CD274: variants seen among roughly 807,000 people sequenced by gnomAD.
The protein encoded by CD274 is CD274 molecule.
A neutral mutation model predicts 30.1 loss-of-function variants in CD274; 8 were observed. That is an observed-to-expected ratio of 0.27 (90% CI 0.16 to 0.48). CD274 has a LOEUF of 0.48. Ranked by LOEUF, CD274 falls within the 20% of genes least tolerant of loss-of-function variation. CD274 has a pLI of 0.99. For missense variants in CD274, 353 were observed against 346.6 expected, an observed-to-expected ratio of 1.02 and a Z score of -0.15; for synonymous variants, 152 against 124.6, an observed-to-expected ratio of 1.22 and a Z score of -1.46.
intron 1 of CD274, among the ~76,000 whole-genome samples, chr9:5,451,602 A>AAC: frequency 6.6e-6 from 1 of 152,336 alleles, no homozygotes; most frequent in East Asian, 1.9e-4. Flanking sequence ...TCTGAAGAAA[A>AAC]ACTTAGCCTT....
chr9:5,457,362 C>T lies in CD274; in HGVS notation c.336C>T (p.Tyr112=), dbSNP rs1196471475. Residue 112 remains tyrosine (Y), a synonymous_variant, in exon 3 of 7, where the codon TAC becomes TAT. Coordinates refer to ENST00000381577, the MANE Select transcript of CD274 (RefSeq NM_014143.4). ...TGAAATTGCAGGATGCAGGGGTGTA[C>T]CGCTGCATGATCAGCTATGGTGGTG... ...TDVKLQDAGV[Y]RCMISYGGAD... The T allele has an allele frequency of 1.2e-6, 2 of 1,614,086 alleles. No homozygotes were observed. The highest frequency in any genetic ancestry group is 1.7e-6 in the Non-Finnish European group (2 of 1,179,998).
At chr9:5,451,688 T>C (rs1819206424) in intron 1 of CD274, among the ~76,000 whole-genome samples, 2 of 152,176 alleles carry the variant, frequency 1.3e-5, no homozygotes, top group Admixed American at 6.5e-5. Flanking sequence ...ACAGAAATAC[T>C]GTGGGGAATT....
At chr9:5,457,465 T>A (rs756516772) in intron 3 of CD274, 45 bp downstream of exon 3, 1 of 1,493,018 alleles carries the variant, frequency 6.7e-7, no homozygotes, top group Middle Eastern at 1.7e-4. Context: ...ATTGAAAACA[T>A]ATTCCAAGTG....
rs1819321846 is a variant in CD274 at position 5,457,264 on chromosome 9, A to G, written c.238A>G (p.Ser80Gly). The G allele has an allele frequency of 3.7e-6, 6 of 1,614,078 alleles. No homozygotes were observed. Among genetic ancestry groups the G allele is most frequent in the East Asian group, 2.2e-5 (1 of 44,886 alleles). The change falls in exon 3 of 7, where the codon AGC becomes GGC. Residue 80 changes from serine (S) to glycine (G), a missense_variant. By Grantham distance (56) the Ser-to-Gly change is moderately conservative (BLOSUM62 0). Coordinates refer to ENST00000381577, the MANE Select transcript of CD274 (RefSeq NM_014143.4). ...GGAAGACCTGAAGGTTCAGCATAGTAGCTACAGACAGAGGGCCCGGCTGTT... is the reference window on the plus strand; with the variant it reads ...GGAAGACCTGAAGGTTCAGCATAGTGGCTACAGACAGAGGGCCCGGCTGTT... ...GEEDLKVQHS[S>G]YRQRARLLKD...
At chr9:5,458,629 T>C (rs1819348681) in intron 3 of CD274, among the ~76,000 whole-genome samples, 2 of 152,344 alleles carry the variant, frequency 1.3e-5, no homozygotes, top group South Asian at 4.1e-4. Context: ...CTGATAACTA[T>C]AAACTCAAAA....
intron 3 of CD274, among the ~76,000 whole-genome samples, chr9:5,462,087 C>A (rs1819414312): frequency 6.6e-6 from 1 of 152,154 alleles, no homozygotes; most frequent in African/African-American, 2.4e-5. Context: ...TCTATACTAT[C>A]TTTGCAACTT....
intron 1 of CD274, among the ~76,000 whole-genome samples, chr9:5,453,818 T>C (rs1215741653): frequency 6.6e-6 from 1 of 152,254 alleles, no homozygotes; most frequent in Non-Finnish European, 1.5e-5. Flanking sequence ...ATGTCTTTGC[T>C]GTGGGAGGCT....
At chr9:5,465,351 T>C in intron 4 of CD274, 148 bp from the exon 5 acceptor site, 1 of 578,694 alleles carries the variant, frequency 1.7e-6, no homozygotes, top group Non-Finnish European at 3.1e-6. Flanking sequence ...TTAACACAGG[T>C]ATCTCGCCAT....
intron 5 of CD274, 84 bp downstream of exon 5, chr9:5,465,690 T>C (rs1159148423): frequency 1.1e-5 from 9 of 815,742 alleles, no homozygotes; most frequent in Non-Finnish European, 1.5e-5. Flanking sequence ...AAACCCGACT[T>C]AACCTCTGCA....
chr9:5,467,864 C>G lies in CD274; in HGVS notation c.*2C>G, dbSNP rs1470624510. ...GATACACATTTGGAGGAGACGTAAT[C>G]CAGCATTGGAACTTCTGATCTTCAA... is the stretch of plus-strand genomic sequence containing the variant. On this transcript the variant is annotated 3_prime_UTR_variant, in exon 7 of 7. Coordinates refer to ENST00000381577, the MANE Select transcript of CD274 (RefSeq NM_014143.4). 1 of 1,609,040 alleles carries G rather than the reference C, an allele frequency of 6.2e-7. No individual in the cohort carries two copies.
chr9:5,460,259 G>T (rs1243053526), intron 3 of CD274, among the ~76,000 whole-genome samples: 1 of 151,998 alleles, frequency 6.6e-6, no homozygotes, highest in Non-Finnish European at 1.5e-5. Flanking sequence ...GCTTCTAAAG[G>T]GTACACTGGA....
chr9:5,465,669 T>C (rs1819486652), intron 5 of CD274, 63 bp downstream of exon 5: 1 of 1,017,040 alleles, frequency 9.8e-7, no homozygotes, highest in South Asian at 1.3e-5. Context: ...AATTGGATCA[T>C]GGCTGCAAGG....
At chr9:5,465,078 C>T (rs1253310848) in intron 4 of CD274, among the ~76,000 whole-genome samples, 1 of 142,994 alleles carries the variant, frequency 7.0e-6, no homozygotes, top group Non-Finnish European at 1.5e-5. Flanking sequence ...CAGAGAAAGA[C>T]TCTGCCTCAA....
rs2131230008 is a variant in CD274 at position 5,465,561 on chromosome 9, T to C, written c.745T>C (p.Leu249=). The change falls in exon 5 of 7, where the codon TTA becomes CTA. Residue 249 remains leucine, a synonymous_variant. Transcript: ENST00000381577. ...CTTGGTAATTCTGGGAGCCATCTTA[T>C]TATGCCTTGGTGTAGCACTGACATT... ...THLVILGAIL[L]CLGVALTFIF... The C allele has an allele frequency of 2.5e-6, 4 of 1,611,496 alleles. No homozygotes were observed. Among genetic ancestry groups the C allele is most frequent in the Non-Finnish European group, 1.7e-6 (2 of 1,177,640 alleles).
At chr9:5,466,592 A>G (rs952766529) in intron 5 of CD274, among the ~76,000 whole-genome samples, 178 bp from the exon 6 acceptor site, 1 of 152,060 alleles carries the variant, frequency 6.6e-6, no homozygotes. Flanking sequence ...GATCAAAAGC[A>G]TGTGCCCTAC....
chr9:5,459,439 C>T (rs1367365863), intron 3 of CD274, among the ~76,000 whole-genome samples: 1 of 152,140 alleles, frequency 6.6e-6, no homozygotes, highest in African/African-American at 2.4e-5. Context: ...GCAGGAGCTT[C>T]CCAACTCAGG....
At chr9:5,466,869 G>T in intron 6 of CD274, 40 bp downstream of exon 6, 2 of 1,443,716 alleles carry the variant, frequency 1.4e-6, no homozygotes, top group Non-Finnish European at 1.9e-6. Context: ...AAAGTCAAAG[G>T]AAACAAAAAG....
intron 1 of CD274, among the ~76,000 whole-genome samples, chr9:5,455,848 C>T (rs1029589033): frequency 6.6e-6 from 1 of 152,056 alleles, no homozygotes; most frequent in Non-Finnish European, 1.5e-5. Context: ...AGATTTTTTT[C>T]ACGGCCTGTA....
chr9:5,467,763 T>C (rs1281183981), intron 6 of CD274, 77 bp from the exon 7 acceptor site: 13 of 1,134,094 alleles, frequency 1.1e-5, no homozygotes, highest in Admixed American at 5.1e-5. Context: ...CTATGAGTTA[T>C]GTTTTTTATT....
Sources: gnomAD v4.1 joint callset for allele counts (sites outside exome capture counted in the v4.1 genomes callset) on GRCh38, gnomAD v4.1.1 for gene constraint, MANE v1.5 for transcripts, NCBI Gene and HGNC (gene_info 2026-07-23, HGNC 2026-07-21) for gene names.